Variants in MYH11 observed in about 807,000 individuals in gnomAD.
The protein encoded by MYH11 is myosin heavy chain 11, also known as myosin-11.
In MYH11, 80 loss-of-function variants were observed where a neutral mutation model predicts 246.6. The observed-to-expected ratio is 0.32, with a 90% CI of 0.27 to 0.39. MYH11 has a LOEUF of 0.39. Among genes scored for constraint, MYH11 ranks in the 10% least tolerant of loss-of-function variants. MYH11 has a pLI of 1.00. For missense variants in MYH11, 2,158 were observed against 2,546.8 expected (o/e 0.85, Z 3.29); for synonymous variants, 1,071 against 1,015.5 (o/e 1.05, Z -1.04).
At position 15,703,401 on chromosome 16, in the gene MYH11, A is replaced by T. The variant is rs2151158427; in HGVS notation, c.*590T>A. ...GGGGCCGGCGGCACCCATTTCGGTGACTTTCTCCCCATTTCATGTAAACAG... is the reference window on the plus strand; with the variant it reads ...GGGGCCGGCGGCACCCATTTCGGTGTCTTTCTCCCCATTTCATGTAAACAG... On this transcript the variant is annotated 3_prime_UTR_variant, in exon 41 of 41. Coordinates refer to ENST00000300036, the MANE Select transcript of MYH11 (RefSeq NM_002474.3). The T allele has an allele frequency of 4.2e-6, 1 of 238,664 alleles. No homozygotes were observed. The highest frequency in any genetic ancestry group is 6.0e-5 in the East Asian group (1 of 16,654). 14.8% of individuals were successfully genotyped at this position (238,664 alleles called of 1,614,324 possible). A position where few individuals can be genotyped will look rare whatever the true frequency, so the allele number is the denominator to read the frequency against.
At chr16:15,766,388 T>TGA (rs1491352898) in intron 9 of MYH11, among the ~76,000 whole-genome samples, 43 of 99,882 alleles carry the variant, frequency 4.3e-4, no homozygotes, top group South Asian at 8.2e-4. Context: ...TGTGTGTGTG[T>TGA]GAGACTGAGT....
rs71134460 is a variant in MYH11 at position 15,780,474 on chromosome 16, C to CTTTTTT, written c.727-1637_727-1632dup. Among the ~76,000 whole-genome samples, 133 of 69,004 alleles carry CTTTTTT rather than the reference C, an allele frequency of 1.9e-3. 10 individuals are homozygous for CTTTTTT. Among genetic ancestry groups the CTTTTTT allele is most frequent in the African/African-American group, 5.4e-3 (88 of 16,324 alleles). The allele number at this position is 69,004 out of a possible 152,430, so 45.3% of individuals were successfully genotyped here. ...ACCTTTATGACTTTAGATTTTTACG[C>CTTTTTT]TTTTTTTTTTTTTTTTTTTTTTTTG... On this transcript the variant is annotated intron_variant, in intron 6 of 40. Transcript: ENST00000300036.
At chr16:15,706,709 A>C (rs78974169) in intron 40 of MYH11, among the ~76,000 whole-genome samples, 3,480 of 152,226 alleles carry the variant, frequency 0.023, 137 homozygotes, top group African/African-American at 0.079. Flanking sequence ...TCTCCAAAAA[A>C]AAAAACAAAA....
At chr16:15,766,077 A>C (rs1031923425) in intron 9 of MYH11, among the ~76,000 whole-genome samples, 2 of 152,120 alleles carry the variant, frequency 1.3e-5, no homozygotes, top group Non-Finnish European at 2.9e-5. Flanking sequence ...TTACCCTGAC[A>C]GAGTTGTGAC....
chr16:15,787,681 G>A (rs2042504426), intron 4 of MYH11, among the ~76,000 whole-genome samples: 1 of 151,734 alleles, frequency 6.6e-6, no homozygotes. Flanking sequence ...CACCATGTTA[G>A]CCAGGATGGT....
At chr16:15,820,899 G>A (rs148385590) in intron 3 of MYH11, among the ~76,000 whole-genome samples, 2,196 of 152,132 alleles carry the variant, frequency 0.014, 54 homozygotes, top group African/African-American at 0.051. Flanking sequence ...TTGAGACAAG[G>A]TCTGGCTCTC....
intron 27 of MYH11, among the ~76,000 whole-genome samples, chr16:15,732,132 T>G (rs1168089003): frequency 6.6e-6 from 1 of 151,002 alleles, no homozygotes; most frequent in Non-Finnish European, 1.5e-5. Context: ...CGGCTAATTT[T>G]TTGTATTTGT....
chr16:15,765,658 C>T (rs1459720608), intron 9 of MYH11, among the ~76,000 whole-genome samples: 1 of 151,178 alleles, frequency 6.6e-6, no homozygotes, highest in Non-Finnish European at 1.5e-5. Flanking sequence ...AGGCCCTTCA[C>T]AACAGCTATT....
chr16:15,827,370 A>G (rs2043599312), intron 2 of MYH11, among the ~76,000 whole-genome samples: 2 of 152,218 alleles, frequency 1.3e-5, no homozygotes. Flanking sequence ...CCAGCTCAAG[A>G]CAAAGCAGGG....
intron 11 of MYH11, among the ~76,000 whole-genome samples, chr16:15,760,201 G>GATGA (rs148242233): frequency 0.057 from 8,638 of 152,116 alleles, 305 homozygotes; most frequent in East Asian, 0.11. Context: ...TGCATGGACA[G>GATGA]ATGAATGAAT....
At chr16:15,844,722 G>A (rs537774498) in intron 1 of MYH11, among the ~76,000 whole-genome samples, 4 of 151,704 alleles carry the variant, frequency 2.6e-5, no homozygotes, top group Non-Finnish European at 4.4e-5. Flanking sequence ...ATGATGATGC[G>A]TGCTTGTAGT....
In MYH11 at chr16:15,704,094, G is replaced by T; in HGVS notation, c.5816C>A (p.Ser1939Tyr). ...AACTCTACGTCCTCCAGACCTTCTA[G>T]AAGGAACGAAAGAGGTCTCGTTTCC... Reference protein sequence around the residue: ...RRGNETSFVPSRRSGGRRVIE... With the variant: ...RRGNETSFVPYRRSGGRRVIE... Residue 1939 changes from serine to tyrosine, a missense_variant, in exon 41 of 41, where the codon TCT (serine) becomes TAT (tyrosine). By Grantham distance (144) the Ser-to-Tyr change is moderately radical. Transcript: ENST00000300036. 1.9e-6 allele frequency: 3 copies of T among 1,614,110 alleles called. No individual in the cohort carries two copies. Among genetic ancestry groups the T allele is most frequent in the Non-Finnish European group, 2.5e-6 (3 of 1,180,016 alleles).
chr16:15,784,298 C>T (rs1383632159), intron 5 of MYH11, among the ~76,000 whole-genome samples: 1 of 152,106 alleles, frequency 6.6e-6, no homozygotes, highest in Non-Finnish European at 1.5e-5. Context: ...GACTGTCCAT[C>T]GAGCCAGGGA....
chr16:15,776,859 G>A (rs926304282), intron 7 of MYH11, among the ~76,000 whole-genome samples: 4 of 152,154 alleles, frequency 2.6e-5, no homozygotes, highest in African/African-American at 9.7e-5. Context: ...GGTGAGGGTG[G>A]CATGGAGATC....
chr16:15,826,286 A>G (rs1006400050), intron 2 of MYH11, among the ~76,000 whole-genome samples: 8 of 152,042 alleles, frequency 5.3e-5, no homozygotes, highest in East Asian at 1.9e-4. Flanking sequence ...GCTGGAGCCA[A>G]TTAGAGAGTG....
At chr16:15,759,252 C>T (rs1304723109) in intron 12 of MYH11, among the ~76,000 whole-genome samples, 2 of 145,580 alleles carry the variant, frequency 1.4e-5, no homozygotes, top group Non-Finnish European at 1.5e-5. Context: ...GGAGCTGTGG[C>T]AGCCATCTTG....
At chr16:15,708,575 G>A (rs2039595619) in intron 40 of MYH11, among the ~76,000 whole-genome samples, 3 of 152,216 alleles carry the variant, frequency 2.0e-5, no homozygotes, top group African/African-American at 7.2e-5. Flanking sequence ...TGTCACATGT[G>A]CTGCCCAGAG....
intron 3 of MYH11, among the ~76,000 whole-genome samples, chr16:15,821,019 G>A (rs1457288344): frequency 6.6e-6 from 1 of 152,074 alleles, no homozygotes; most frequent in Non-Finnish European, 1.5e-5. Flanking sequence ...CTACAGGTAT[G>A]TGCTACCACA....
At chr16:15,726,614 C>CA in intron 28 of MYH11, 1 of 598,828 alleles carries the variant, frequency 1.7e-6, no homozygotes, top group Non-Finnish European at 3.0e-6. Flanking sequence ...GTGATCCACC[C>CA]ACCTCTGTCT....
Sources: gnomAD v4.1 joint callset for allele counts (sites outside exome capture counted in the v4.1 genomes callset) on GRCh38, gnomAD v4.1.1 for gene constraint, MANE v1.5 for transcripts, NCBI Gene and HGNC (gene_info 2026-07-23, HGNC 2026-07-21) for gene names.